The following SDK2 variants were observed in gnomAD, a reference collection of about 807,000 sequenced individuals.
SDK2 encodes the protein sidekick cell adhesion molecule 2.
SDK2 carries 105 observed loss-of-function variants against 253.9 expected under a neutral mutation model. The observed-to-expected ratio is 0.41, with a 90% CI of 0.35 to 0.49. The LOEUF (loss-of-function observed/expected upper bound fraction) is 0.49. Among genes scored for constraint, SDK2 ranks in the 20% least tolerant of loss-of-function variants. The pLI, the probability that SDK2 is intolerant of heterozygous loss-of-function variation, is 0.06. For missense variants in SDK2, 2,608 were observed against 3,003.0 expected (o/e 0.87, Z 3.07); for synonymous variants, 1,249 against 1,234.9 (o/e 1.01, Z -0.24).
intron 1 of SDK2, among the ~76,000 whole-genome samples, chr17:73,532,397 G>C (rs1310880033): frequency 6.6e-6 from 1 of 152,218 alleles, no homozygotes; most frequent in African/African-American, 2.4e-5. Context: ...CCCAGGCCTA[G>C]AGTGAAATTG....
chr17:73,631,385 C>T (rs766000705), intron 1 of SDK2, among the ~76,000 whole-genome samples: 6 of 152,214 alleles, frequency 3.9e-5, no homozygotes, highest in Non-Finnish European at 7.3e-5. Flanking sequence ...CGCACACTGC[C>T]CGTGGGGAAG....
chr17:73,384,146 G>C, intron 32 of SDK2, 135 bp from the exon 33 acceptor site: 1 of 1,044,096 alleles, frequency 9.6e-7, no homozygotes, highest in East Asian at 2.6e-5. Context: ...AGATAATATT[G>C]GGCATTTTAA....
intron 1 of SDK2, among the ~76,000 whole-genome samples, chr17:73,531,409 C>T (rs1434689728): frequency 6.6e-6 from 1 of 152,214 alleles, no homozygotes; most frequent in Non-Finnish European, 1.5e-5. Context: ...CCTCTGACCA[C>T]CCACTCACCC....
rs79212819 is a variant in SDK2 at position 73,511,885 on chromosome 17, CTA to C, written c.65-4290_65-4289del. Among the ~76,000 whole-genome samples the C allele has an allele frequency of 9.9e-4, 151 of 152,160 alleles. 1 individual carries two copies. In the East Asian group the frequency reaches 0.022, roughly 22 times the overall value. On this transcript the variant is annotated intron_variant, in intron 1 of 44. Coordinates refer to ENST00000392650, the MANE Select transcript of SDK2 (RefSeq NM_001144952.2). This position sits in a 1 kb window ranked among gnomAD's most constrained non-coding sequence, Gnocchi z 4.9. The stretch of plus-strand genomic sequence containing the variant: ...GGGATAACAGAACGTGTGGACGTGT[CTA>C]TGTGTGCACGTGTTTATGTGTGCAG...
chr17:73,393,013 G>A (rs2145502091), intron 27 of SDK2, among the ~76,000 whole-genome samples: 1 of 152,226 alleles, frequency 6.6e-6, no homozygotes, highest in East Asian at 1.9e-4. Flanking sequence ...GGGAGGCTGA[G>A]GTGGGTGGAT....
intron 1 of SDK2, among the ~76,000 whole-genome samples, chr17:73,550,355 T>C (rs938085520): frequency 6.6e-6 from 1 of 152,192 alleles, no homozygotes; most frequent in Non-Finnish European, 1.5e-5. Context: ...CCTAACCTGC[T>C]AGCCCTTTGT....
At chr17:73,478,851 G>C (rs901737954) in intron 2 of SDK2, among the ~76,000 whole-genome samples, 2 of 152,232 alleles carry the variant, frequency 1.3e-5, no homozygotes, top group Admixed American at 6.5e-5. Flanking sequence ...TATTGTCCTC[G>C]TTAATAAATC....
chr17:73,341,047 T>A (rs1458440820), intron 44 of SDK2, among the ~76,000 whole-genome samples: 1 of 9,534 alleles, frequency 1.0e-4, no homozygotes, highest in African/African-American at 1.1e-4. Context: ...GCTGGTCTGT[T>A]TTTTTTTTTT....
rs1331450361 is a variant in SDK2 at position 73,401,210 on chromosome 17, C to T, written c.2781G>A (p.Gly927=). ...EPGEKNGILT[G]YRISWEEYNR... ...TGTACTCCTCCCAGGAGATCCGGTA[C>T]CCTGGGGAGAGCCGCCGTGTTGGCA... Residue 927 remains glycine (G), a splice_region_variant and synonymous_variant, in exon 21 of 45, where the codon GGG becomes GGA. Coordinates refer to ENST00000392650, the MANE Select transcript of SDK2 (RefSeq NM_001144952.2). The T allele has an allele frequency of 6.5e-7, 1 of 1,545,344 alleles. No homozygotes were observed. Among genetic ancestry groups the T allele is most frequent in the South Asian group, 1.2e-5 (1 of 83,554 alleles).
rs141587047 is a variant in SDK2 at position 73,609,966 on chromosome 17, A to C, written c.64+34059T>G. Among the ~76,000 whole-genome samples, 4 of 152,374 alleles carry C rather than the reference A, an allele frequency of 2.6e-5. No homozygotes were observed. The East Asian group carries it at 7.7e-4, about 29-fold the overall frequency. On this transcript the variant is annotated intron_variant, in intron 1 of 44. Coordinates refer to ENST00000392650, the MANE Select transcript of SDK2 (RefSeq NM_001144952.2). The surrounding 1 kb of genome is among the most constrained non-coding windows in gnomAD (Gnocchi z 4.4). ...TAGTAGGTGCGGAGCTCAGCCAGGCAGCTGCACGGGAAACAGGTGTCCTGC... is the reference window on the plus strand; with the variant it reads ...TAGTAGGTGCGGAGCTCAGCCAGGCCGCTGCACGGGAAACAGGTGTCCTGC...
At position 73,350,699 on chromosome 17, in the gene SDK2, C is replaced by A. The variant is rs778137775; in HGVS notation, c.5850G>T (p.Val1950=). ...GLIFILLLVF[V]LIIRGQSKKY... ...TCTTGCTCTGGCCCCGGATGATGAG[C>A]ACGAAGACCAGAAGCAGGATGAAGA... Residue 1950 remains valine (V), a synonymous_variant, in exon 42 of 45, where the codon GTG becomes GTT. Coordinates refer to ENST00000392650, the MANE Select transcript of SDK2 (RefSeq NM_001144952.2). 3.7e-6 allele frequency: 6 copies of A among 1,613,736 alleles called. No homozygotes were observed. In the South Asian group the frequency reaches 6.6e-5, roughly 18 times the overall value.
In SDK2 at chr17:73,361,730, G is replaced by A; in HGVS notation, c.5421C>T (p.Thr1807=). The change falls in exon 39 of 45, where the codon ACC becomes ACT. Residue 1807 remains threonine (T), a synonymous_variant. Coordinates refer to ENST00000392650, the MANE Select transcript of SDK2 (RefSeq NM_001144952.2). The surrounding 1 kb of genome is among the most constrained non-coding windows in gnomAD (Gnocchi z 4.1). ...YRFRIRAKTF[T]YGPEIEANVT... ...CGTTGGCTTCGATCTCCGGCCCGTA[G>A]GTGAAGGTCTTGGCTCTGATGCGGA... 6.2e-7 allele frequency: 1 copy of A among 1,612,946 alleles called. No individual in the cohort carries two copies.
chr17:73,415,942 T>A lies in SDK2; in HGVS notation c.2237A>T (p.Asp746Val), dbSNP rs766182692. 4 of 1,611,582 alleles carry A rather than the reference T, an allele frequency of 2.5e-6. No homozygotes were observed. Among genetic ancestry groups the A allele is most frequent in the South Asian group, 1.1e-5 (1 of 90,256 alleles). Residue 746 changes from aspartate (D) to valine (V), a missense_variant, in exon 17 of 45, where the codon GAT (aspartate) becomes GTT (valine). Asp to Val is a radical substitution (Grantham distance 152). Coordinates refer to ENST00000392650, the MANE Select transcript of SDK2 (RefSeq NM_001144952.2). The stretch of plus-strand genomic sequence containing the variant: ...CAGCAGCAGGTTGTTCACATCAGCA[T>A]CCGTGATGTTCTTAAACTGGTACCC... ...PVGYQFKNIT[D>V]ADVNNLLLED...
At chr17:73,407,211 C>G (rs2063086331) in intron 18 of SDK2, among the ~76,000 whole-genome samples, 1 of 152,164 alleles carries the variant, frequency 6.6e-6, no homozygotes, top group African/African-American at 2.4e-5. Flanking sequence ...GCAACAAGAG[C>G]CCCTTAAAGA....
chr17:73,391,565 G>T, intron 27 of SDK2, 27 bp from the exon 28 acceptor site: 1 of 1,204,798 alleles, frequency 8.3e-7, no homozygotes, highest in Non-Finnish European at 1.1e-6. Flanking sequence ...AGAGGAGGCC[G>T]ACCCATGAGG....
chr17:73,629,610 A>G lies in SDK2; in HGVS notation c.64+14415T>C, dbSNP rs987663038. Among the ~76,000 whole-genome samples, 18 of 152,168 alleles carry G rather than the reference A, an allele frequency of 1.2e-4. No homozygotes were observed. In the East Asian group the frequency reaches 1.6e-3, roughly 13 times the overall value. ...TCCCATCCTACAAGACTCAGCTTCT[A>G]TGTTACCTCCTCCTCTGGGGCAGCA... On this transcript the variant is annotated intron_variant, in intron 1 of 44. Transcript: ENST00000392650. This position sits in a 1 kb window ranked among gnomAD's most constrained non-coding sequence, Gnocchi z 5.0.
At position 73,629,781 on chromosome 17, in the gene SDK2, A is replaced by G. The variant is rs8080253; in HGVS notation, c.64+14244T>C. On this transcript the variant is annotated intron_variant, in intron 1 of 44. Transcript: ENST00000392650. The surrounding 1 kb of genome is among the most constrained non-coding windows in gnomAD (Gnocchi z 5.0). ...CCTGGGCACCTCACTTAGTATACAG[A>G]TGGTGCTTAGTAAGTGCATGAGAAG... Among the ~76,000 whole-genome samples, 55,474 of 152,004 alleles carry G rather than the reference A, an allele frequency of 0.36. 10,517 individuals carry two copies. The highest frequency in any genetic ancestry group is 0.47 in the African/African-American group (19,327 of 41,440).
Position 73,401,150 on chromosome 17 carries a change from G to A in SDK2, c.2841C>T (p.Pro947=), listed in dbSNP as rs775651709. ...TGACACGGTACTCCAGGGTCACGTT[G>A]GGCAGGTAGTGGGTCACACGGGTGT... is the stretch of plus-strand genomic sequence containing the variant. ...RTNTRVTHYL[P]NVTLEYRVTG... is the part of the protein sequence containing the mutation. The change falls in exon 21 of 45, where the codon CCC becomes CCT. Residue 947 remains proline, a synonymous_variant. Coordinates refer to ENST00000392650, the MANE Select transcript of SDK2 (RefSeq NM_001144952.2). The A allele has an allele frequency of 1.3e-6, 2 of 1,560,388 alleles. No individual in the cohort carries two copies. Among genetic ancestry groups the A allele is most frequent in the Non-Finnish European group, 1.7e-6 (2 of 1,152,026 alleles).
chr17:73,350,126 C>G lies in SDK2; in HGVS notation c.6038+111G>C, dbSNP rs558423254. The G allele has an allele frequency of 3.9e-6, 4 of 1,021,246 alleles. No individual in the cohort carries two copies. The South Asian group carries it at 6.8e-5, about 17-fold the overall frequency. The allele number at this position is 1,021,246 out of a possible 1,614,324, so 63.3% of individuals were successfully genotyped here. A position where few individuals can be genotyped will look rare whatever the true frequency, so the allele number is the denominator to read the frequency against. On this transcript the variant is annotated intron_variant, in intron 43 of 44. Transcript: ENST00000392650. ...GCCCTGGGGCTTGAATGGTGTTTCC[C>G]AGGACAAGGTATGGCCAGGTGGGCA... is the stretch of plus-strand genomic sequence containing the variant.
Sources: allele counts gnomAD v4.1 joint callset (sites outside exome capture counted in the v4.1 genomes callset), GRCh38; gene constraint gnomAD v4.1.1; non-coding constraint Gnocchi (gnomAD v3.1); transcripts MANE v1.5; gene names NCBI Gene and HGNC (gene_info 2026-07-23, HGNC 2026-07-21).